The following TTC39A variants were observed in gnomAD, a reference collection of about 807,000 sequenced individuals.
TTC39A encodes tetratricopeptide repeat domain 39A.
In TTC39A, 46 loss-of-function variants were observed where a neutral mutation model predicts 82.3. The ratio of observed to expected loss-of-function variants is 0.56; its 90% CI spans 0.44 to 0.71. TTC39A has a LOEUF of 0.71. Ranked by LOEUF, TTC39A falls within the 30% of genes least tolerant of loss-of-function variation. The probability of loss-of-function intolerance (pLI) is 0.00; values close to 1 mark genes in which losing one functional copy is unlikely to be tolerated. For synonymous variants in TTC39A, 254 were observed against 275.2 expected, an observed-to-expected ratio of 0.92 and a Z score of 0.76; for missense variants, 543 against 712.9, an observed-to-expected ratio of 0.76 and a Z score of 2.71.
Position 51,302,420 on chromosome 1 carries a change from C to A in TTC39A, c.832-4G>T, listed in dbSNP as rs1464783228. The A allele has an allele frequency of 6.2e-7, 1 of 1,609,070 alleles. No individual in the cohort carries two copies. The highest frequency in any genetic ancestry group is 2.2e-5 in the East Asian group (1 of 44,778). On this transcript the variant is annotated splice_region_variant and splice_polypyrimidine_tract_variant and intron_variant, in intron 10 of 17. Coordinates refer to ENST00000680483, the MANE Select transcript of TTC39A (RefSeq NM_001297663.2). The stretch of plus-strand genomic sequence containing the variant: ...CAAAGAACAGGAAGATGGCACCCTG[C>A]AATGACACACATGTAAGTCCGTGTG...
At chr1:51,320,744 C>T (rs768958138) in intron 2 of TTC39A, among the ~76,000 whole-genome samples, 6 of 151,670 alleles carry the variant, frequency 4.0e-5, no homozygotes, top group Admixed American at 2.6e-4. Context: ...TGAGCCACCA[C>T]GCCTAGTTAA....
chr1:51,287,960 C>T lies in TTC39A; in HGVS notation c.*197G>A. The T allele has an allele frequency of 2.5e-6, 2 of 789,226 alleles. No individual in the cohort carries two copies. Among genetic ancestry groups the T allele is most frequent in the South Asian group, 2.0e-5 (1 of 49,526 alleles). 48.9% of individuals were successfully genotyped at this position (789,226 alleles called of 1,614,324 possible). A position where few individuals can be genotyped will look rare whatever the true frequency, so the allele number is the denominator to read the frequency against. On this transcript the variant is annotated 3_prime_UTR_variant, in exon 18 of 18. Transcript: ENST00000680483. ...CAGGCAGAGGGCTCCACCTGCTCTGCCCTTGGCAAAGGCCCTTGGCTACAC... is the reference window on the plus strand; with the variant it reads ...CAGGCAGAGGGCTCCACCTGCTCTGTCCTTGGCAAAGGCCCTTGGCTACAC...
intron 13 of TTC39A, among the ~76,000 whole-genome samples, chr1:51,295,356 T>C (rs1031369542): frequency 6.6e-6 from 1 of 152,162 alleles, no homozygotes; most frequent in Non-Finnish European, 1.5e-5. Context: ...GCTCATATTA[T>C]ACCCATTTCT....
chr1:51,315,638 C>T (rs1645255204), intron 2 of TTC39A, among the ~76,000 whole-genome samples: 1 of 152,190 alleles, frequency 6.6e-6, no homozygotes, highest in Non-Finnish European at 1.5e-5. Context: ...TATGGACTCC[C>T]CATCCCCAGT....
upstream of TTC39A, among the ~76,000 whole-genome samples, chr1:51,334,070 A>G (rs1284588087): frequency 1.3e-5 from 2 of 152,046 alleles, no homozygotes; most frequent in Non-Finnish European, 2.9e-5. Flanking sequence ...TTAAGAATTC[A>G]TATATAAGCT....
At chr1:51,331,061 C>T, upstream of TTC39A, 1 of 943,064 alleles carries the variant, frequency 1.1e-6, no homozygotes, top group Non-Finnish European at 1.7e-6. Flanking sequence ...GCTGGCAGTT[C>T]ACACTGCCTT....
intron 6 of TTC39A, among the ~76,000 whole-genome samples, chr1:51,306,861 C>G (rs888016624): frequency 1.8e-5 from 2 of 109,912 alleles, no homozygotes; most frequent in Non-Finnish European, 3.6e-5. Context: ...AGACCCCCCC[C>G]CCCCGCCCCC....
intron 14 of TTC39A, among the ~76,000 whole-genome samples, chr1:51,293,011 C>T (rs1644279480): frequency 1.3e-5 from 2 of 152,056 alleles, no homozygotes; most frequent in African/African-American, 4.8e-5. Flanking sequence ...TAGTTGCTGC[C>T]CTTGCCCTTC....
chr1:51,332,608 T>C (rs1485839629), upstream of TTC39A, among the ~76,000 whole-genome samples: 1 of 152,252 alleles, frequency 6.6e-6, no homozygotes, highest in Non-Finnish European at 1.5e-5. Flanking sequence ...AGGCCTGCCA[T>C]GTTTGCTGTG....
At chr1:51,325,432 C>G (rs1440485871) in intron 1 of TTC39A, among the ~76,000 whole-genome samples, 1 of 152,186 alleles carries the variant, frequency 6.6e-6, no homozygotes, top group African/African-American at 2.4e-5. Flanking sequence ...AGGGCATAGC[C>G]TAGTGACTGG....
chr1:51,331,217 C>T, upstream of TTC39A: 1 of 1,549,924 alleles, frequency 6.5e-7, no homozygotes, highest in Non-Finnish European at 8.7e-7. Context: ...CACTCTGGCC[C>T]CTTTCCCCCT....
At chr1:51,340,673 C>T (rs1646023345) in intron 1 of TTC39A, among the ~76,000 whole-genome samples, 2 of 152,196 alleles carry the variant, frequency 1.3e-5, no homozygotes, top group Non-Finnish European at 2.9e-5. Flanking sequence ...GCTGGTGAAG[C>T]CCTTCCTCTT....
At chr1:51,343,153 GA>G in intron 1 of TTC39A, 1 of 440,310 alleles carries the variant, frequency 2.3e-6, no homozygotes, top group South Asian at 1.6e-5. Context: ...CATCAAAACT[GA>G]AATGCACTCT....
chr1:51,320,249 T>C (rs1404259576), intron 2 of TTC39A, among the ~76,000 whole-genome samples: 2 of 152,102 alleles, frequency 1.3e-5, no homozygotes, highest in Non-Finnish European at 2.9e-5. Flanking sequence ...GACTTACGGA[T>C]AAATGTTTAG....
At position 51,307,035 on chromosome 1, in the gene TTC39A, G is replaced by A. The variant is rs151198445; in HGVS notation, c.489-959C>T. On this transcript the variant is annotated intron_variant, in intron 6 of 17. Coordinates refer to ENST00000680483, the MANE Select transcript of TTC39A (RefSeq NM_001297663.2). ...GTGTTTCTGACAGAGAGAACAGCAC[G>A]TCCAAAGGCCCTGAGGTCGGAACCA... Among the ~76,000 whole-genome samples the A allele has an allele frequency of 1.9e-4, 29 of 152,254 alleles. 1 individual carries two copies. The East Asian group carries it at 3.7e-3, about 19-fold the overall frequency.
Position 51,344,050 on chromosome 1 carries a change from A to T in TTC39A, c.53+941T>A, listed in dbSNP as rs957992179. 2.0e-5 allele frequency among the ~76,000 whole-genome samples: 3 copies of T among 152,206 alleles called. No homozygotes were observed. The East Asian group carries it at 5.8e-4, about 29-fold the overall frequency. The stretch of plus-strand genomic sequence containing the variant: ...ACAGCTTTGAGAGAAGTTGGGAGGT[A>T]AAATCAACAGGACTTGTAGACGGGG... On this transcript the variant is annotated intron_variant, in intron 1 of 5. Transcript: ENST00000401051.
upstream of TTC39A, among the ~76,000 whole-genome samples, chr1:51,334,195 C>CATAAA (rs1553181739): frequency 2.6e-5 from 1 of 38,064 alleles, no homozygotes. Context: ...CCTGTCTCTA[C>CATAAA]AAAAAAAAAA....
intron 5 of TTC39A, among the ~76,000 whole-genome samples, chr1:51,310,998 G>A (rs1315686793): frequency 6.6e-6 from 1 of 152,228 alleles, no homozygotes; most frequent in Non-Finnish European, 1.5e-5. Flanking sequence ...AGGAAATGCA[G>A]CAGTCGCACA....
chr1:51,307,785 T>A (rs1219779345), intron 6 of TTC39A, among the ~76,000 whole-genome samples: 1 of 152,156 alleles, frequency 6.6e-6, no homozygotes, highest in Non-Finnish European at 1.5e-5. Flanking sequence ...TTTTTTCATT[T>A]TGTTTTTACT....
Sources: gnomAD v4.1 joint callset for allele counts (sites outside exome capture counted in the v4.1 genomes callset) on GRCh38, gnomAD v4.1.1 for gene constraint, MANE v1.5 for transcripts, NCBI Gene and HGNC (gene_info 2026-07-23, HGNC 2026-07-21) for gene names.